The following TGM4 variants were observed in gnomAD, a reference collection of about 807,000 sequenced individuals.
TGM4 encodes the protein protein-glutamine gamma-glutamyltransferase 4.
TGM4 carries 61 observed loss-of-function variants against 76.3 expected under a neutral mutation model. The observed-to-expected ratio is 0.80, with a 90% CI of 0.65 to 0.99. The LOEUF (loss-of-function observed/expected upper bound fraction) is 0.99. Ranked by LOEUF, TGM4 falls within the 50% of genes least tolerant of loss-of-function variation. The pLI is 0.00. For missense variants in TGM4, 794 were observed against 843.2 expected, an observed-to-expected ratio of 0.94 and a Z score of 0.72; for synonymous variants, 337 against 329.8, an observed-to-expected ratio of 1.02 and a Z score of -0.24.
intron 3 of TGM4, 33 bp downstream of exon 3, chr3:44,887,828 C>T: frequency 1.9e-6 from 3 of 1,592,340 alleles, no homozygotes; most frequent in Non-Finnish European, 2.6e-6. Flanking sequence ...GGTGGGCTGG[C>T]TGGCTTCTGG....
chr3:44,890,480 G>A, intron 3 of TGM4, 123 bp from the exon 4 acceptor site: 3 of 1,399,706 alleles, frequency 2.1e-6, no homozygotes, highest in Non-Finnish European at 2.9e-6. Context: ...ACCATTCCTT[G>A]TCTCCAGGCT....
At chr3:44,912,138 T>C (rs1700013965) in intron 13 of TGM4, among the ~76,000 whole-genome samples, 1 of 152,370 alleles carries the variant, frequency 6.6e-6, no homozygotes, top group African/African-American at 2.4e-5. Context: ...GCCGAACAGT[T>C]TGTATTTTTT....
At chr3:44,902,069 C>T (rs1204162399) in intron 8 of TGM4, 138 bp downstream of exon 8, 1 of 1,097,824 alleles carries the variant, frequency 9.1e-7, no homozygotes, top group East Asian at 2.6e-5. Context: ...CCTTAGCCTC[C>T]CAGGTAGCTG....
Position 44,901,528 on chromosome 3 carries a change from G to T in TGM4, c.662G>T (p.Ser221Ile). 6.2e-7 allele frequency: 1 copy of T among 1,604,246 alleles called. No homozygotes were observed. Among genetic ancestry groups the T allele is most frequent in the Non-Finnish European group, 8.5e-7 (1 of 1,172,656 alleles). ...LVCRAMCAMM[S>I]FEKGQGVLIG... Reference sequence around the variant, plus strand: ...CCACCCCTACGTGTGTGGCAGATGAGCTTTGAGAAAGGCCAGGGCGTGCTC... The same window carrying T: ...CCACCCCTACGTGTGTGGCAGATGATCTTTGAGAAAGGCCAGGGCGTGCTC... Residue 221 changes from serine to isoleucine, a missense_variant, in exon 7 of 14, where the codon AGC becomes ATC. Physicochemically the swap from Ser to Ile is moderately radical, Grantham distance 142. Transcript: ENST00000296125.
At chr3:44,877,671 A>G (rs1699468682) in intron 1 of TGM4, among the ~76,000 whole-genome samples, 1 of 152,142 alleles carries the variant, frequency 6.6e-6, no homozygotes, top group African/African-American at 2.4e-5. Flanking sequence ...CCAAGATTAA[A>G]AGTTTAATAG....
At chr3:44,907,263 C>A in intron 10 of TGM4, 63 bp downstream of exon 10, 9 of 1,410,100 alleles carry the variant, frequency 6.4e-6, no homozygotes, top group Non-Finnish European at 6.8e-6. Context: ...TGAAAATAGT[C>A]AAGATTGGGG....
chr3:44,896,561 G>A, intron 5 of TGM4, 148 bp from the exon 6 acceptor site: 1 of 652,368 alleles, frequency 1.5e-6, no homozygotes, highest in Non-Finnish European at 2.7e-6. Flanking sequence ...CTAATTTTCA[G>A]TGCTGTGGTG....
chr3:44,910,353 C>A lies in TGM4; in HGVS notation c.1591C>A (p.Gln531Lys), dbSNP rs745496973. 1.2e-6 allele frequency: 2 copies of A among 1,613,714 alleles called. No individual in the cohort carries two copies. Among genetic ancestry groups the A allele is most frequent in the Non-Finnish European group, 8.5e-7 (1 of 1,179,680 alleles). ...ACTGTGTGACCTCAATAAGACCTCG[C>A]AGATCCAAGGTCAAGGTACCAGAAC... ...AKLCDLNKTS[Q>K]IQGQVSEVTL... Residue 531 changes from glutamine to lysine, a missense_variant, in exon 11 of 14, where the codon CAG (glutamine) becomes AAG (lysine). Gln to Lys is a moderately conservative substitution (Grantham distance 53, BLOSUM62 1). Transcript: ENST00000296125.
At chr3:44,880,043 C>G (rs1699511135) in intron 1 of TGM4, among the ~76,000 whole-genome samples, 1 of 152,150 alleles carries the variant, frequency 6.6e-6, no homozygotes, top group South Asian at 2.1e-4. Context: ...AAGGGATCCC[C>G]CTGCCTCAGC....
At chr3:44,887,580 A>C in intron 2 of TGM4, 109 bp from the exon 3 acceptor site, 1 of 916,016 alleles carries the variant, frequency 1.1e-6, no homozygotes, top group Non-Finnish European at 1.6e-6. Flanking sequence ...TGAGCCTGGA[A>C]AGGAGGGGTG....
intron 3 of TGM4, among the ~76,000 whole-genome samples, chr3:44,889,360 T>TTGCAGCC (rs1451501007): frequency 2.6e-5 from 4 of 152,000 alleles, no homozygotes; most frequent in African/African-American, 9.7e-5. Flanking sequence ...GCTGGACATC[T>TTGCAGCC]TGCAGCCTCA....
intron 2 of TGM4, 87 bp from the exon 3 acceptor site, chr3:44,887,602 A>T: frequency 1.7e-6 from 2 of 1,203,054 alleles, no homozygotes; most frequent in Admixed American, 4.2e-5. Flanking sequence ...GGGCTCCATG[A>T]GTGGGCAGTA....
chr3:44,874,832 T>C, intron 1 of TGM4, 135 bp downstream of exon 1: 1 of 979,416 alleles, frequency 1.0e-6, no homozygotes, highest in African/African-American at 1.6e-5. Context: ...CTGCTTGCTT[T>C]CTGTCTCATC....
chr3:44,911,462 T>C, intron 13 of TGM4, 56 bp downstream of exon 13: 3 of 1,585,928 alleles, frequency 1.9e-6, no homozygotes, highest in Non-Finnish European at 2.6e-6. Flanking sequence ...ATCTTGCACA[T>C]GTGTGCATAT....
chr3:44,876,271 T>C (rs932539813), intron 1 of TGM4, among the ~76,000 whole-genome samples: 2 of 152,200 alleles, frequency 1.3e-5, no homozygotes, highest in Non-Finnish European at 2.9e-5. Flanking sequence ...GCCACCAGTG[T>C]TGGGGTGTTG....
At chr3:44,903,662 C>T in intron 8 of TGM4, 1 of 562,984 alleles carries the variant, frequency 1.8e-6, no homozygotes, top group South Asian at 2.1e-5. Context: ...TCCCCCAGCC[C>T]TGCCCCCTGC....
intron 9 of TGM4, among the ~76,000 whole-genome samples, chr3:44,904,581 T>G (rs1699898467): frequency 6.6e-6 from 1 of 152,230 alleles, no homozygotes; most frequent in Non-Finnish European, 1.5e-5. Context: ...ATCTGTGGAA[T>G]CAAGTTATCT....
intron 1 of TGM4, among the ~76,000 whole-genome samples, chr3:44,882,494 G>A (rs955083092): frequency 4.6e-5 from 7 of 152,182 alleles, no homozygotes; most frequent in Middle Eastern, 3.2e-3. Context: ...CAAAATGTCC[G>A]CAGGGTCCTG....
chr3:44,875,844 G>C (rs1699445078), intron 1 of TGM4, among the ~76,000 whole-genome samples: 1 of 152,154 alleles, frequency 6.6e-6, no homozygotes. Context: ...ACAGAGTTTT[G>C]AATTCCTCCT....
Sources: gnomAD v4.1 joint callset for allele counts (sites outside exome capture counted in the v4.1 genomes callset) on GRCh38, gnomAD v4.1.1 for gene constraint, MANE v1.5 for transcripts, NCBI Gene and HGNC (gene_info 2026-07-23, HGNC 2026-07-21) for gene names.